GNAO1: variants seen among roughly 807,000 people sequenced by gnomAD.
The protein encoded by GNAO1 is guanine nucleotide-binding protein G(o) subunit alpha.
For missense variants in GNAO1, 166 were observed against 478.7 expected, an observed-to-expected ratio of 0.35 and a Z score of 6.10; for synonymous variants, 164 against 180.7, an observed-to-expected ratio of 0.91 and a Z score of 0.74.
At chr16:56,343,183 G>T (rs912315424) in intron 6 of GNAO1, among the ~76,000 whole-genome samples, 1 of 151,236 alleles carries the variant, frequency 6.6e-6, no homozygotes, top group Non-Finnish European at 1.5e-5. Context: ...TTCACAAAAC[G>T]TGCTCCTTTT....
At chr16:56,336,704 C>G in intron 5 of GNAO1, 27 bp from the exon 6 acceptor site, 4 of 1,590,592 alleles carry the variant, frequency 2.5e-6, no homozygotes, top group Non-Finnish European at 1.7e-6. Flanking sequence ...CTGGACCCTG[C>G]GCCTACCAGC....
At chr16:56,321,201 GT>G (rs1383053653) in intron 3 of GNAO1, among the ~76,000 whole-genome samples, 1 of 152,206 alleles carries the variant, frequency 6.6e-6, no homozygotes, top group Non-Finnish European at 1.5e-5. Flanking sequence ...ACTATTTGGG[GT>G]ACAAGTGCAA....
intron 3 of GNAO1, chr16:56,301,952 C>T (rs919124034): frequency 1.1e-4 from 17 of 152,206 alleles, no homozygotes; most frequent in Admixed American, 1.1e-3. Flanking sequence ...CACAGCGTTA[C>T]TCCCTTGATG....
At chr16:56,263,145 A>G (rs1179270511) in intron 2 of GNAO1, among the ~76,000 whole-genome samples, 1 of 152,226 alleles carries the variant, frequency 6.6e-6, no homozygotes, top group Non-Finnish European at 1.5e-5. Context: ...CCCAAGGGGG[A>G]AGACTATTCA....
intron 2 of GNAO1, among the ~76,000 whole-genome samples, chr16:56,262,296 C>A (rs1336204587): frequency 6.6e-6 from 1 of 152,212 alleles, no homozygotes; most frequent in Non-Finnish European, 1.5e-5. Context: ...CAGATAGGAG[C>A]CCTCCCACAG....
At chr16:56,305,886 G>A (rs111985563) in intron 3 of GNAO1, among the ~76,000 whole-genome samples, 7 of 152,284 alleles carry the variant, frequency 4.6e-5, no homozygotes, top group African/African-American at 1.2e-4. Context: ...CTATAAGGAC[G>A]CCAGTCCTAT....
intron 2 of GNAO1, among the ~76,000 whole-genome samples, chr16:56,208,971 A>G (rs2036358897): frequency 6.6e-6 from 1 of 150,850 alleles, no homozygotes; most frequent in African/African-American, 2.4e-5. Context: ...CTAAACAGAT[A>G]TTTCTCTTTT....
At chr16:56,270,463 A>G (rs2037005940) in intron 2 of GNAO1, 1 of 152,232 alleles carries the variant, frequency 6.6e-6, no homozygotes, top group Non-Finnish European at 1.5e-5. Context: ...ACACAGGGAC[A>G]CACACGTCTG....
At chr16:56,197,842 G>A (rs116525465) in intron 2 of GNAO1, among the ~76,000 whole-genome samples, 2 of 152,166 alleles carry the variant, frequency 1.3e-5, no homozygotes, top group African/African-American at 2.4e-5. Flanking sequence ...CCCTATCTCC[G>A]TTAACACTGG....
chr16:56,274,043 G>T (rs1183263167), intron 2 of GNAO1, among the ~76,000 whole-genome samples: 1 of 152,126 alleles, frequency 6.6e-6, no homozygotes, highest in African/African-American at 2.4e-5. Flanking sequence ...CTCCCCTCTG[G>T]TACGCTGCCC....
intron 4 of GNAO1, among the ~76,000 whole-genome samples, chr16:56,332,184 G>C (rs1190239637): frequency 6.6e-6 from 1 of 152,162 alleles, no homozygotes; most frequent in African/African-American, 2.4e-5. Flanking sequence ...CAGAACCCTC[G>C]AGGGGCTCCC....
At chr16:56,262,349 T>TCC (rs2036911321) in intron 2 of GNAO1, among the ~76,000 whole-genome samples, 1 of 152,212 alleles carries the variant, frequency 6.6e-6, no homozygotes, top group Non-Finnish European at 1.5e-5. Context: ...ACAGAGCCTT[T>TCC]TGGACTTGCC....
chr16:56,297,466 G>A (rs765681124), intron 3 of GNAO1, among the ~76,000 whole-genome samples: 7 of 151,514 alleles, frequency 4.6e-5, no homozygotes, highest in South Asian at 4.2e-4. Flanking sequence ...TTTTCTGTGC[G>A]CACAGCCACC....
intron 2 of GNAO1, among the ~76,000 whole-genome samples, chr16:56,202,594 G>A (rs2143304265): frequency 6.6e-6 from 1 of 152,336 alleles, no homozygotes; most frequent in East Asian, 1.9e-4. Context: ...GGTAGCTTGA[G>A]CTTGACATGA....
At chr16:56,344,955 C>T in intron 6 of GNAO1, 9 of 982,382 alleles carry the variant, frequency 9.2e-6, no homozygotes, top group Non-Finnish European at 9.7e-6. Flanking sequence ...CGAGTTTGTT[C>T]ACAGCCGTTG....
chr16:56,219,443 G>T (rs1310236468), intron 2 of GNAO1, among the ~76,000 whole-genome samples: 1 of 152,126 alleles, frequency 6.6e-6, no homozygotes, highest in Non-Finnish European at 1.5e-5. Context: ...CATTCTCACA[G>T]CAGAAAGCTT....
chr16:56,219,418 TC>T (rs571416241), intron 2 of GNAO1, among the ~76,000 whole-genome samples: 12 of 152,260 alleles, frequency 7.9e-5, no homozygotes, highest in Admixed American at 7.8e-4. Context: ...CCATTGCATC[TC>T]TTCTCCTGCT....
At chr16:56,224,937 C>T (rs2036521635) in intron 2 of GNAO1, among the ~76,000 whole-genome samples, 1 of 152,242 alleles carries the variant, frequency 6.6e-6, no homozygotes, top group Non-Finnish European at 1.5e-5. Context: ...TCACATCAGC[C>T]TCAGGGACAG....
chr16:56,268,944 C>T (rs1260549934), intron 2 of GNAO1, among the ~76,000 whole-genome samples: 1 of 152,180 alleles, frequency 6.6e-6, no homozygotes, highest in Non-Finnish European at 1.5e-5. Context: ...CCAGGCAGGT[C>T]TGTCCCTACC....
Sources: allele counts gnomAD v4.1 joint callset (sites outside exome capture counted in the v4.1 genomes callset), GRCh38; gene constraint gnomAD v4.1.1; transcripts MANE v1.5; gene names NCBI Gene and HGNC (gene_info 2026-07-23, HGNC 2026-07-21).